Variants in USP9X observed in about 807,000 individuals in gnomAD.
USP9X encodes ubiquitin specific peptidase 9 X-linked.
A neutral mutation model predicts 190.3 loss-of-function variants in USP9X; 7 were observed. That is an observed-to-expected ratio of 0.04 (90% CI 0.02 to 0.07). The LOEUF (loss-of-function observed/expected upper bound fraction) is 0.07, where lower values mean the gene tolerates loss of function less well. Among genes scored for constraint, USP9X ranks in the 10% least tolerant of loss-of-function variants. The pLI is 1.00. For missense variants in USP9X, 1,010 were observed against 1,916.9 expected (o/e 0.53, Z 8.83); for synonymous variants, 645 against 659.5 (o/e 0.98, Z 0.34).
rs965991675 is a variant in USP9X at position 41,170,246 on chromosome X, A to G, written c.2877+11A>G. The stretch of plus-strand genomic sequence containing the variant: ...TTAAAAGATAAATCGGTATGTATGT[A>G]TAGTTAACAGATTTTTCAATAAAAT... On this transcript the variant is annotated intron_variant, in intron 19 of 44. Transcript: ENST00000378308. 5 of 1,195,545 alleles carry G rather than the reference A, an allele frequency of 4.2e-6. No individual in the cohort carries two copies. Among genetic ancestry groups the G allele is most frequent in the African/African-American group, 1.7e-5 (1 of 57,311 alleles).
chrX:41,106,523 T>TTTA (rs2062070267), intron 1 of USP9X, among the ~76,000 whole-genome samples: 4 of 27,094 alleles, frequency 1.5e-4, no homozygotes, highest in African/African-American at 6.1e-4. Flanking sequence ...TCTGAATTAA[T>TTTA]TTTTTTTTTT....
chrX:41,151,448 T>C (rs1033236640), intron 13 of USP9X, among the ~76,000 whole-genome samples: 1 of 112,127 alleles, frequency 8.9e-6, no homozygotes, highest in South Asian at 3.7e-4. Flanking sequence ...AAACATTTAT[T>C]TTAGCTAAAT....
At chrX:41,183,375 G>T (rs961780960) in intron 21 of USP9X, among the ~76,000 whole-genome samples, 1 of 110,971 alleles carries the variant, frequency 9.0e-6, no homozygotes, top group African/African-American at 3.3e-5. Flanking sequence ...AATAAAGTTG[G>T]AATATTTGGT....
chrX:41,177,576 G>A (rs779758529), intron 21 of USP9X, among the ~76,000 whole-genome samples: 2 of 112,256 alleles, frequency 1.8e-5, no homozygotes, highest in African/African-American at 6.5e-5. Context: ...CTCCTCTAAA[G>A]GAGAGAGATG....
At chrX:41,092,169 C>G (rs751829121) in intron 1 of USP9X, among the ~76,000 whole-genome samples, 6 of 111,488 alleles carry the variant, frequency 5.4e-5, no homozygotes, top group East Asian at 5.6e-4. Flanking sequence ...AGCTGGTGAT[C>G]GTGCATATTA....
chrX:41,140,034 A>C (rs1364110862), intron 6 of USP9X, among the ~76,000 whole-genome samples: 1 of 112,209 alleles, frequency 8.9e-6, no homozygotes, highest in Non-Finnish European at 1.9e-5. Flanking sequence ...TTTGAGCTAC[A>C]GCTCTTTCTT....
chrX:41,095,506 G>A (rs1756680581), intron 1 of USP9X, among the ~76,000 whole-genome samples: 2 of 112,281 alleles, frequency 1.8e-5, no homozygotes, highest in African/African-American at 6.5e-5. Context: ...TGCCAGTTGT[G>A]CCCTGGGGGC....
At chrX:41,192,168 C>T (rs1464841192) in intron 26 of USP9X, among the ~76,000 whole-genome samples, 1 of 112,102 alleles carries the variant, frequency 8.9e-6, no homozygotes, top group Admixed American at 9.5e-5. Context: ...TAAAATCTTT[C>T]CATGTCTTCC....
At chrX:41,145,397 A>G (rs1395757906) in intron 11 of USP9X, among the ~76,000 whole-genome samples, 1 of 112,205 alleles carries the variant, frequency 8.9e-6, no homozygotes, top group Non-Finnish European at 1.9e-5. Flanking sequence ...GTACACCAGG[A>G]TACGTGTTCA....
At chrX:41,122,134 C>T (rs892449999) in intron 1 of USP9X, among the ~76,000 whole-genome samples, 2 of 109,967 alleles carry the variant, frequency 1.8e-5, no homozygotes, top group East Asian at 2.8e-4. Flanking sequence ...GTGGAGAGAG[C>T]GGGGATCTTA....
Position 41,085,524 on chromosome X carries a change from C to A in USP9X, c.-744C>A, listed in dbSNP as rs1453623540. On this transcript the variant is annotated 5_prime_UTR_variant, in exon 1 of 45. Transcript: ENST00000378308. ...GTCTCCGCCGCCGCCGGAGCCGCAACCTCTCCGCACCCGGCCCCGTCAGGG... is the reference window on the plus strand; with the variant it reads ...GTCTCCGCCGCCGCCGGAGCCGCAAACTCTCCGCACCCGGCCCCGTCAGGG... 1 of 196,468 alleles carries A rather than the reference C, an allele frequency of 5.1e-6. No individual in the cohort carries two copies. The highest frequency in any genetic ancestry group is 3.0e-5 in the African/African-American group (1 of 33,022). The allele number at this position is 196,468 out of a possible 1,213,427, so 16.2% of individuals were successfully genotyped here. A position where few individuals can be genotyped will look rare whatever the true frequency, so the allele number is the denominator to read the frequency against.
rs2063397895 is a variant in USP9X at position 41,236,263 on chromosome X, G to A, written c.*3739G>A. Reference sequence around the variant, plus strand: ...GTTTTTGCAAATAAGGTTTTTGAGTGTGATAAAACACTACAGAAGTGCTAA... The same window carrying A: ...GTTTTTGCAAATAAGGTTTTTGAGTATGATAAAACACTACAGAAGTGCTAA... On this transcript the variant is annotated 3_prime_UTR_variant, in exon 45 of 45. Transcript: ENST00000378308. 8.9e-6 allele frequency: 1 copy of A among 111,944 alleles called. No individual in the cohort carries two copies. Among genetic ancestry groups the A allele is most frequent in the African/African-American group, 3.2e-5 (1 of 30,800 alleles). 9.2% of individuals were successfully genotyped at this position (111,944 alleles called of 1,213,427 possible). A position where few individuals can be genotyped will look rare whatever the true frequency, so the allele number is the denominator to read the frequency against.
Position 41,236,419 on chromosome X carries a change from A to G in USP9X, c.*3895A>G, listed in dbSNP as rs2063398659. The G allele has an allele frequency of 8.9e-6, 1 of 112,141 alleles. No homozygotes were observed. The highest frequency in any genetic ancestry group is 3.6e-4 in the South Asian group (1 of 2,749). The allele number at this position is 112,141 out of a possible 1,213,427, so 9.2% of individuals were successfully genotyped here. A position where few individuals can be genotyped will look rare whatever the true frequency, so the allele number is the denominator to read the frequency against. On this transcript the variant is annotated 3_prime_UTR_variant, in exon 45 of 45. Transcript: ENST00000378308. ...AGGTGCACCACATTTTAAAACTGCA[A>G]ATGTGTGAAAATTTATTTAGAGATT...
intron 21 of USP9X, among the ~76,000 whole-genome samples, chrX:41,174,784 C>T (rs1227905665): frequency 9.0e-6 from 1 of 111,176 alleles, no homozygotes; most frequent in Non-Finnish European, 1.9e-5. Flanking sequence ...CGCTTGAGGC[C>T]GGGAGTTCGA....
intron 14 of USP9X, among the ~76,000 whole-genome samples, chrX:41,157,887 A>G (rs2062593119): frequency 8.9e-6 from 1 of 112,221 alleles, no homozygotes; most frequent in Admixed American, 9.4e-5. Context: ...AAGAATTTTT[A>G]AAGTATGATG....
At chrX:41,222,721 C>T (rs979619617) in intron 38 of USP9X, among the ~76,000 whole-genome samples, 1 of 110,052 alleles carries the variant, frequency 9.1e-6, no homozygotes, top group African/African-American at 3.3e-5. Context: ...ATCGAGACCA[C>T]CCAGGCCAAC....
At chrX:41,183,284 A>T (rs1481425152) in intron 21 of USP9X, among the ~76,000 whole-genome samples, 2 of 110,936 alleles carry the variant, frequency 1.8e-5, no homozygotes, top group Non-Finnish European at 3.8e-5. Flanking sequence ...AAAAAAAAAA[A>T]AAAAATTATC....
chrX:41,190,469 G>A (rs1240681792), intron 26 of USP9X, among the ~76,000 whole-genome samples: 1 of 110,960 alleles, frequency 9.0e-6, no homozygotes. Flanking sequence ...CCACAAATCG[G>A]GTTGGGCGTG....
chrX:41,172,404 C>T (rs893813434), intron 21 of USP9X, among the ~76,000 whole-genome samples: 1 of 111,800 alleles, frequency 8.9e-6, no homozygotes, highest in African/African-American at 3.2e-5. Flanking sequence ...GTGTCATCTG[C>T]GGTATTGTTC....
Sources: gnomAD v4.1 joint callset for allele counts (sites outside exome capture counted in the v4.1 genomes callset) on GRCh38, gnomAD v4.1.1 for gene constraint, MANE v1.5 for transcripts, NCBI Gene and HGNC (gene_info 2026-07-23, HGNC 2026-07-21) for gene names.